GOT1: variants seen among roughly 807,000 people sequenced by gnomAD.
GOT1 encodes glutamic-oxaloacetic transaminase 1.
GOT1 carries 25 observed loss-of-function variants against 48.2 expected under a neutral mutation model. That is an observed-to-expected ratio of 0.52 (90% confidence interval 0.38 to 0.72). GOT1 has a LOEUF of 0.72. Among genes scored for constraint, GOT1 ranks in the 30% least tolerant of loss-of-function variants. GOT1 has a pLI of 0.00. For missense variants in GOT1, 380 were observed against 520.1 expected (o/e 0.73, Z 2.62); for synonymous variants, 188 against 193.8 (o/e 0.97, Z 0.25).
At chr10:99,426,001 A>G (rs2033033606) in intron 1 of GOT1, among the ~76,000 whole-genome samples, 1 of 152,220 alleles carries the variant, frequency 6.6e-6, no homozygotes, top group Admixed American at 6.5e-5. Context: ...AGCAACCCAC[A>G]AAATAGATAT....
At chr10:99,413,828 TCC>T (rs1278133847) in intron 2 of GOT1, among the ~76,000 whole-genome samples, 1 of 152,146 alleles carries the variant, frequency 6.6e-6, no homozygotes, top group Non-Finnish European at 1.5e-5. Context: ...GAATTTCATA[TCC>T]AGCCAAACTA....
Position 99,397,983 on chromosome 10 carries a change from C to A in GOT1, c.1103-297G>T, listed in dbSNP as rs554354916. Among the ~76,000 whole-genome samples, 1 of 152,310 alleles carries A rather than the reference C, an allele frequency of 6.6e-6. No individual in the cohort carries two copies. The highest frequency in any genetic ancestry group is 2.4e-5 in the African/African-American group (1 of 41,564). ...CTTATACATTATATCCACCAGGACACCCCTATCACCTAAAAACAACCATCA... is the reference window on the plus strand; with the variant it reads ...CTTATACATTATATCCACCAGGACAACCCTATCACCTAAAAACAACCATCA... On this transcript the variant is annotated intron_variant, in intron 8 of 8. Coordinates refer to ENST00000370508, the MANE Select transcript of GOT1 (RefSeq NM_002079.3). This position sits in a 1 kb window ranked among gnomAD's most constrained non-coding sequence, Gnocchi z 5.4.
At chr10:99,399,691 TG>T (rs2032646000) in intron 8 of GOT1, among the ~76,000 whole-genome samples, 3 of 152,114 alleles carry the variant, frequency 2.0e-5, no homozygotes, top group Admixed American at 2.0e-4. Flanking sequence ...GTGGATTGCT[TG>T]GGCCTGGGAG....
intron 8 of GOT1, 27 bp downstream of exon 8, chr10:99,402,553 G>T (rs751068890): frequency 6.2e-7 from 1 of 1,613,062 alleles, no homozygotes; most frequent in South Asian, 1.1e-5. Context: ...ATGCACGCAT[G>T]GGCTGGAGGT....
chr10:99,402,373 C>G (rs1322217740), intron 8 of GOT1, among the ~76,000 whole-genome samples: 1 of 152,214 alleles, frequency 6.6e-6, no homozygotes, highest in Non-Finnish European at 1.5e-5. Flanking sequence ...TGTGGGTCAG[C>G]AGGGCAGACC....
At chr10:99,410,134 C>T (rs1402528201) in intron 2 of GOT1, among the ~76,000 whole-genome samples, 1 of 152,200 alleles carries the variant, frequency 6.6e-6, no homozygotes, top group African/African-American at 2.4e-5. Context: ...TCATCCCTTG[C>T]TATTACTTTA....
intron 8 of GOT1, among the ~76,000 whole-genome samples, chr10:99,400,164 C>T (rs2032652894): frequency 6.6e-6 from 1 of 152,206 alleles, no homozygotes. Context: ...TACACATATA[C>T]AATTTTTTAA....
chr10:99,411,051 A>G (rs2032822285), intron 2 of GOT1, among the ~76,000 whole-genome samples: 1 of 152,256 alleles, frequency 6.6e-6, no homozygotes, highest in African/African-American at 2.4e-5. Context: ...GCCATGCTGC[A>G]TTCATCTGGG....
chr10:99,415,339 T>A (rs2032881651), intron 2 of GOT1, among the ~76,000 whole-genome samples: 1 of 152,154 alleles, frequency 6.6e-6, no homozygotes, highest in South Asian at 2.1e-4. Context: ...CTAGAAAATC[T>A]AGAAGAAATG....
intron 2 of GOT1, among the ~76,000 whole-genome samples, chr10:99,412,353 G>A (rs892586082): frequency 5.9e-5 from 9 of 151,806 alleles, no homozygotes; most frequent in African/African-American, 2.2e-4. Context: ...GTGGGGAGTG[G>A]GAACAGGTGA....
chr10:99,405,558 C>CAG (rs904360830), intron 5 of GOT1, among the ~76,000 whole-genome samples, 198 bp downstream of exon 5: 2 of 150,646 alleles, frequency 1.3e-5, no homozygotes, highest in East Asian at 1.9e-4. Context: ...CACACACACA[C>CAG]AGTCTGACAT....
chr10:99,420,726 G>C lies in GOT1; in HGVS notation c.198C>G (p.Ser66Arg). 1 of 1,613,906 alleles carries C rather than the reference G, an allele frequency of 6.2e-7. No homozygotes were observed. The highest frequency in any genetic ancestry group is 8.5e-7 in the Non-Finnish European group (1 of 1,179,814). ...KVEQKIANDN[S>R]LNHEYLPILG... The stretch of plus-strand genomic sequence containing the variant: ...GGATTGGCAGATACTCGTGATTTAG[G>C]CTATTGTCATTAGCAATCTTCTGCT... The change falls in exon 2 of 9, where the codon AGC becomes AGG. Residue 66 changes from serine (S) to arginine (R), a missense_variant. Transcript: ENST00000370508.
At chr10:99,418,051 T>TAA (rs11325628) in intron 2 of GOT1, among the ~76,000 whole-genome samples, 3 of 142,936 alleles carry the variant, frequency 2.1e-5, no homozygotes, top group African/African-American at 7.8e-5. Context: ...AAAGTATAAT[T>TAA]AAAAAAAAAA....
chr10:99,420,674 C>A lies in GOT1; in HGVS notation c.250G>T (p.Ala84Ser), dbSNP rs1209719375. The A allele has an allele frequency of 6.2e-7, 1 of 1,614,002 alleles. No homozygotes were observed. Among genetic ancestry groups the A allele is most frequent in the African/African-American group, 1.3e-5 (1 of 74,914 alleles). The change falls in exon 2 of 9, where the codon GCT (alanine) becomes TCT (serine). Residue 84 changes from alanine (A) to serine (S), a missense_variant. Physicochemically the swap from Ala to Ser is moderately conservative, Grantham distance 99. Coordinates refer to ENST00000370508, the MANE Select transcript of GOT1 (RefSeq NM_002079.3). ...ILGLAEFRSC[A>S]SRLALGDDSP... is the part of the protein sequence containing the mutation. ...TCATCCCCAAGGGCAAGACGAGAAG[C>A]ACAGCTCCGGAACTCAGCCAGGCCC... is the stretch of plus-strand genomic sequence containing the variant.
At chr10:99,416,677 T>C (rs1200180042) in intron 2 of GOT1, among the ~76,000 whole-genome samples, 1 of 152,218 alleles carries the variant, frequency 6.6e-6, no homozygotes, top group East Asian at 1.9e-4. Context: ...GACTTCAAAC[T>C]ACACTACAAG....
intron 1 of GOT1, among the ~76,000 whole-genome samples, chr10:99,430,047 C>A (rs553423212): frequency 1.3e-5 from 2 of 152,288 alleles, no homozygotes; most frequent in African/African-American, 4.8e-5. Flanking sequence ...AGCTTTCTAG[C>A]GTTAAAAGTT....
chr10:99,398,922 A>AT (rs1350602742), intron 8 of GOT1, among the ~76,000 whole-genome samples: 2 of 152,082 alleles, frequency 1.3e-5, no homozygotes, highest in African/African-American at 4.8e-5. Context: ...TGGATGTGGG[A>AT]TTTTCAGGCA....
Position 99,420,772 on chromosome 10 carries a change from A to C in GOT1, c.152T>G (p.Leu51Trp). 6.2e-7 allele frequency: 1 copy of C among 1,614,040 alleles called. No homozygotes were observed. Among genetic ancestry groups the C allele is most frequent in the Non-Finnish European group, 8.5e-7 (1 of 1,179,918 alleles). The part of the protein sequence containing the change: ...YRTDDCHPWV[L>W]PVVKKVEQKI... ...CTGCTCCACTTTCTTCACTACTGGCAAAACCCAGGGATGGCAGTCATCCGT... is the reference window on the plus strand; with the variant it reads ...CTGCTCCACTTTCTTCACTACTGGCCAAACCCAGGGATGGCAGTCATCCGT... Residue 51 changes from leucine (L) to tryptophan (W), a missense_variant, in exon 2 of 9, where the codon TTG becomes TGG. Physicochemically the swap from Leu to Trp is moderately conservative, Grantham distance 61. Transcript: ENST00000370508.
chr10:99,406,311 G>T, intron 3 of GOT1, 62 bp from the exon 4 acceptor site: 1 of 1,214,554 alleles, frequency 8.2e-7, no homozygotes, highest in Non-Finnish European at 1.2e-6. Flanking sequence ...GAGTGGAAAG[G>T]ATGCAAGTCA....
Sources: allele counts gnomAD v4.1 joint callset (sites outside exome capture counted in the v4.1 genomes callset), GRCh38; gene constraint gnomAD v4.1.1; non-coding constraint Gnocchi (gnomAD v3.1); transcripts MANE v1.5; gene names NCBI Gene and HGNC (gene_info 2026-07-23, HGNC 2026-07-21).